Variants in YJEFN3 observed in about 807,000 individuals in gnomAD.
The protein encoded by YJEFN3 is YjeF N-terminal domain containing 3.
A neutral mutation model predicts 31.5 loss-of-function variants in YJEFN3; 29 were observed. The ratio of observed to expected loss-of-function variants is 0.92; its 90% CI spans 0.69 to 1.26. The LOEUF is 1.26. Among genes scored for constraint, YJEFN3 ranks in the 50% most tolerant of loss-of-function variants. The pLI is 0.00. For synonymous variants in YJEFN3, 227 were observed against 196.1 expected, an observed-to-expected ratio of 1.16 and a Z score of -1.32; for missense variants, 442 against 425.4, an observed-to-expected ratio of 1.04 and a Z score of -0.34.
chr19:19,531,037 C>T (rs1299692113), intron 2 of YJEFN3, among the ~76,000 whole-genome samples: 3 of 152,196 alleles, frequency 2.0e-5, no homozygotes, highest in Non-Finnish European at 2.9e-5. Context: ...GCTATTCTTG[C>T]CCCTGCATTA....
chr19:19,535,735 T>A, intron 6 of YJEFN3, 56 bp downstream of exon 6: 1 of 1,530,350 alleles, frequency 6.5e-7, no homozygotes, highest in Non-Finnish European at 8.8e-7. Context: ...TGGAGGCCCC[T>A]GTGCCCCAGC....
chr19:19,532,840 C>T, intron 3 of YJEFN3, 100 bp downstream of exon 3: 2 of 1,151,378 alleles, frequency 1.7e-6, no homozygotes, highest in Non-Finnish European at 2.4e-6. Context: ...CTCAAGAACT[C>T]CCTTTTTGCT....
rs2061221226 is a variant in YJEFN3, at chr19:19,537,401, C to A, written c.777C>A (p.Cys259Ter). The stretch of plus-strand genomic sequence containing the variant: ...TGTCTCTCGCGGCGCCCAAGCGCTG[C>A]GCTGGCCGCTTCTCCGGGCGCCACC... ...VLVSLAAPKR[C>*]AGRFSGRHHF... Residue 259 changes from cysteine to a stop codon, truncating the protein, a stop_gained, in exon 7 of 7, where the codon TGC becomes TGA. Coordinates refer to ENST00000514277, the MANE Select transcript of YJEFN3 (RefSeq NM_198537.4). LOFTEE classifies it high-confidence loss of function. 2 of 1,589,810 alleles carry A rather than the reference C, an allele frequency of 1.3e-6. No individual in the cohort carries two copies. The highest frequency in any genetic ancestry group is 8.5e-7 in the Non-Finnish European group (1 of 1,174,632).
At position 19,534,729 on chromosome 19, in the gene YJEFN3, T is replaced by G. The variant is rs1375235345; in HGVS notation, c.319-305T>G. On this transcript the variant is annotated intron_variant, in intron 3 of 6. Transcript: ENST00000514277. This position sits in a 1 kb window ranked among gnomAD's most constrained non-coding sequence, Gnocchi z 4.6. ...GGGGGTGGGCCCGCGGTGAGAAAGG[T>G]GGAAGAATGTCTGCAACTCAGGCGG... is the stretch of plus-strand genomic sequence containing the variant. The G allele has an allele frequency of 3.9e-5, 10 of 254,470 alleles. No individual in the cohort carries two copies. In the East Asian group the frequency reaches 7.0e-4, roughly 18 times the overall value. The allele number at this position is 254,470 out of a possible 1,614,324, so 15.8% of individuals were successfully genotyped here.
At chr19:19,532,534 A>T (rs113527843) in intron 2 of YJEFN3, 98 bp from the exon 3 acceptor site, 127,953 of 800,234 alleles carry the variant, frequency 0.16, 10,968 homozygotes, top group Middle Eastern at 0.24. Flanking sequence ...GGAGGGTGGC[A>T]TTGGGACCGG....
chr19:19,536,428 C>T (rs1449776524), intron 6 of YJEFN3, among the ~76,000 whole-genome samples: 1 of 152,164 alleles, frequency 6.6e-6, no homozygotes, highest in Non-Finnish European at 1.5e-5. Flanking sequence ...CACCTGTAAT[C>T]CCAGCACTTT....
chr19:19,535,739 C>A, intron 6 of YJEFN3, 60 bp downstream of exon 6: 3 of 1,529,670 alleles, frequency 2.0e-6, no homozygotes, highest in Non-Finnish European at 2.6e-6. Flanking sequence ...GGCCCCTGTG[C>A]CCCAGCTCCT....
Position 19,537,383 on chromosome 19 carries a change from C to T in YJEFN3, c.759C>T (p.Leu253=). The T allele has an allele frequency of 1.3e-6, 2 of 1,594,520 alleles. No homozygotes were observed. Among genetic ancestry groups the T allele is most frequent in the Non-Finnish European group, 1.7e-6 (2 of 1,176,706 alleles). Residue 253 remains leucine, a synonymous_variant, in exon 7 of 7, where the codon CTC becomes CTT. Coordinates refer to ENST00000514277, the MANE Select transcript of YJEFN3 (RefSeq NM_198537.4). Reference sequence around the variant, plus strand: ...TGCGGCCTGACGTGCTGGTGTCTCTCGCGGCGCCCAAGCGCTGCGCTGGCC... The same window carrying T: ...TGCGGCCTGACGTGCTGGTGTCTCTTGCGGCGCCCAAGCGCTGCGCTGGCC... ...DGLRPDVLVS[L]AAPKRCAGRF...
rs202057353 is a variant in YJEFN3 at position 19,535,128 on chromosome 19, G to C, written c.413G>C (p.Arg138Pro). The C allele has an allele frequency of 6.8e-6, 11 of 1,606,614 alleles. No individual in the cohort carries two copies. The highest frequency in any genetic ancestry group is 7.7e-6 in the Non-Finnish European group (9 of 1,175,692). ...QNGAVGLVCARHLRVFEYEPT... is the reference protein window; with the variant it reads ...QNGAVGLVCAPHLRVFEYEPT... ...GGGGCAGTGGGGCTGGTCTGTGCCC[G>C]GCACCTGCGGGTGTTTGTAAGTAGC... The change falls in exon 4 of 7, where the codon CGG becomes CCG. Residue 138 changes from arginine to proline, a missense_variant. Physicochemically the swap from Arg to Pro is moderately radical, Grantham distance 103 (BLOSUM62 -2). Transcript: ENST00000514277.
At chr19:19,535,871 C>T in intron 6 of YJEFN3, 192 bp downstream of exon 6, 1 of 761,572 alleles carries the variant, frequency 1.3e-6, no homozygotes, top group Non-Finnish European at 2.2e-6. Context: ...CCAGGTGACC[C>T]CAGGTCTCCT....
rs1017358441 is a variant in YJEFN3 at position 19,534,633 on chromosome 19, G to A, written c.319-401G>A. The A allele has an allele frequency of 1.2e-5, 2 of 164,266 alleles. No homozygotes were observed. The highest frequency in any genetic ancestry group is 2.6e-5 in the Non-Finnish European group (2 of 76,252). 10.2% of individuals were successfully genotyped at this position (164,266 alleles called of 1,614,324 possible). A position where few individuals can be genotyped will look rare whatever the true frequency, so the allele number is the denominator to read the frequency against. On this transcript the variant is annotated intron_variant, in intron 3 of 6. Transcript: ENST00000514277. The surrounding 1 kb of genome is among the most constrained non-coding windows in gnomAD (Gnocchi z 4.6). ...CCAGAGAGAGACAGAGAGGCCCCAG[G>A]GCATCGTGGCTAAGGTTGGGCTCCC...
At chr19:19,535,840 G>A (rs2061204659) in intron 6 of YJEFN3, 161 bp downstream of exon 6, 1 of 1,012,354 alleles carries the variant, frequency 9.9e-7, no homozygotes, top group African/African-American at 1.6e-5. Flanking sequence ...CCCTCTGATG[G>A]GGAAGATCGA....
Position 19,534,570 on chromosome 19 carries a change from A to G in YJEFN3, c.319-464A>G, listed in dbSNP as rs1376282604. ...CAGAGACACACAGAGAGACAGAGAC[A>G]CGGAGAGTCTGAGAGATACAGAGAG... On this transcript the variant is annotated intron_variant, in intron 3 of 6. Coordinates refer to ENST00000514277, the MANE Select transcript of YJEFN3 (RefSeq NM_198537.4). The surrounding 1 kb of genome is among the most constrained non-coding windows in gnomAD (Gnocchi z 4.6). 6.5e-6 allele frequency: 1 copy of G among 154,200 alleles called. No homozygotes were observed. The highest frequency in any genetic ancestry group is 1.4e-5 in the Non-Finnish European group (1 of 69,528). The allele number at this position is 154,200 out of a possible 1,614,324, so 9.6% of individuals were successfully genotyped here.
Position 19,529,513 on chromosome 19 carries a change from G to A in YJEFN3, c.209G>A (p.Ser70Asn). 1 of 1,613,254 alleles carries A rather than the reference G, an allele frequency of 6.2e-7. No homozygotes were observed. The highest frequency in any genetic ancestry group is 8.5e-7 in the Non-Finnish European group (1 of 1,179,518). ...TGGAACGCAGGGCCTGTTTGCCAGAGGTTGGTGAGTTTGGGATCTAGAACT... is the reference window on the plus strand; with the variant it reads ...TGGAACGCAGGGCCTGTTTGCCAGAAGTTGGTGAGTTTGGGATCTAGAACT... Reference protein sequence around the residue: ...QIWNAGPVCQSTAEAAALERE... With the variant: ...QIWNAGPVCQNTAEAAALERE... The change falls in exon 2 of 7, where the codon AGC (serine) becomes AAC (asparagine). Residue 70 changes from serine (S) to asparagine (N), a missense_variant and splice_region_variant. By Grantham distance (46) the Ser-to-Asn change is conservative. Coordinates refer to ENST00000514277, the MANE Select transcript of YJEFN3 (RefSeq NM_198537.4).
Sources: gnomAD v4.1 joint callset for allele counts (sites outside exome capture counted in the v4.1 genomes callset) on GRCh38, gnomAD v4.1.1 for gene constraint, Gnocchi (gnomAD v3.1) non-coding constraint, MANE v1.5 for transcripts, NCBI Gene and HGNC (gene_info 2026-07-23, HGNC 2026-07-21) for gene names.